GREM1: variants seen among roughly 807,000 people sequenced by gnomAD.
GREM1 encodes gremlin 1, DAN family BMP antagonist.
Under a neutral mutation model 13.1 loss-of-function variants are expected in GREM1, and 6 were observed. The observed-to-expected ratio is 0.46, with a 90% CI of 0.25 to 0.91. The LOEUF (loss-of-function observed/expected upper bound fraction) is 0.91, where lower values mean the gene tolerates loss of function less well. Ranked by LOEUF, GREM1 falls within the 40% of genes least tolerant of loss-of-function variation. The pLI is 0.18. For synonymous variants in GREM1, 98 were observed against 93.7 expected (o/e 1.05, Z -0.27); for missense variants, 185 against 233.9 (o/e 0.79, Z 1.36).
In GREM1 at chr15:32,740,744, G is replaced by T. The variant is rs923888578; in HGVS notation, c.*9499G>T. On this transcript the variant is annotated 3_prime_UTR_variant, in exon 2 of 2. Transcript: ENST00000651154. ...ACATTCTGATCCAAGAAGCCCAAAGGTCATAAAAAAGTGATCCCAAAGCCT... is the reference window on the plus strand; with the variant it reads ...ACATTCTGATCCAAGAAGCCCAAAGTTCATAAAAAAGTGATCCCAAAGCCT... 1 of 152,116 alleles carries T rather than the reference G, an allele frequency of 6.6e-6. No homozygotes were observed. 9.4% of individuals were successfully genotyped at this position (152,116 alleles called of 1,614,324 possible).
rs2055768876 is a variant in GREM1, at chr15:32,742,300, T to C, written c.*11055T>C. 1 of 152,204 alleles carries C rather than the reference T, an allele frequency of 6.6e-6. No homozygotes were observed. Among genetic ancestry groups the C allele is most frequent in the Non-Finnish European group, 1.5e-5 (1 of 68,010 alleles). 9.4% of individuals were successfully genotyped at this position (152,204 alleles called of 1,614,324 possible). On this transcript the variant is annotated 3_prime_UTR_variant, in exon 2 of 2. Coordinates refer to ENST00000651154, the MANE Select transcript of GREM1 (RefSeq NM_013372.7). ...TGAATTCACTAGTGAAATTATTTGG[T>C]CCTGGGATTTTCTTTACTGGGAGTT...
Position 32,741,129 on chromosome 15 carries a change from C to G in GREM1, c.*9884C>G, listed in dbSNP as rs1394894948. The G allele has an allele frequency of 2.6e-5, 4 of 152,094 alleles. No homozygotes were observed. Among genetic ancestry groups the G allele is most frequent in the African/African-American group, 9.7e-5 (4 of 41,424 alleles). The allele number at this position is 152,094 out of a possible 1,614,324, so 9.4% of individuals were successfully genotyped here. A position where few individuals can be genotyped will look rare whatever the true frequency, so the allele number is the denominator to read the frequency against. On this transcript the variant is annotated 3_prime_UTR_variant, in exon 2 of 2. Transcript: ENST00000651154. The stretch of plus-strand genomic sequence containing the variant: ...TTCCACATTTAATGTTTTTTGTTCA[C>G]TGTGGTGTAGTAATAAATGTCTATA...
At position 32,744,773 on chromosome 15, in the gene GREM1, A is replaced by C. The variant is rs2055792062; in HGVS notation, c.*13528A>C. ...GGTTCTGTAGAGGCAGGACCTTAGC[A>C]TATAGCAGAGATAACTTATCTTCCA... On this transcript the variant is annotated 3_prime_UTR_variant, in exon 2 of 2. Transcript: ENST00000651154. 6.6e-6 allele frequency: 1 copy of C among 151,950 alleles called. No homozygotes were observed. Among genetic ancestry groups the C allele is most frequent in the Admixed American group, 6.6e-5 (1 of 15,258 alleles). 9.4% of individuals were successfully genotyped at this position (151,950 alleles called of 1,614,324 possible).
chr15:32,722,955 A>G (rs1028482166), intron 1 of GREM1, among the ~76,000 whole-genome samples: 1 of 152,214 alleles, frequency 6.6e-6, no homozygotes, highest in Non-Finnish European at 1.5e-5. Context: ...CGGAGATGTC[A>G]GGTATCTTGA....
chr15:32,721,211 C>T (rs1421055015), intron 1 of GREM1, among the ~76,000 whole-genome samples: 1 of 152,108 alleles, frequency 6.6e-6, no homozygotes, highest in Admixed American at 6.6e-5. Context: ...CACTTATGAG[C>T]TGTGTGACCT....
chr15:32,732,292 G>C lies in GREM1; in HGVS notation c.*1047G>C. On this transcript the variant is annotated 3_prime_UTR_variant, in exon 2 of 2. Transcript: ENST00000651154. ...TTCCTAATACCTTTCCTTTATCGTG[G>C]TTATAGTCAGCTCATTTCCATTCCA... 8.4e-6 allele frequency: 2 copies of C among 237,850 alleles called. No individual in the cohort carries two copies. Among genetic ancestry groups the C allele is most frequent in the Non-Finnish European group, 1.8e-5 (2 of 111,704 alleles). The allele number at this position is 237,850 out of a possible 1,614,324, so 14.7% of individuals were successfully genotyped here. A position where few individuals can be genotyped will look rare whatever the true frequency, so the allele number is the denominator to read the frequency against.
In GREM1 at chr15:32,718,087, C is replaced by T. The variant is rs898995478; in HGVS notation, c.-76C>T. 15 of 1,223,544 alleles carry T rather than the reference C, an allele frequency of 1.2e-5. No homozygotes were observed. Among genetic ancestry groups the T allele is most frequent in the Non-Finnish European group, 1.5e-5 (15 of 969,074 alleles). 75.8% of individuals were successfully genotyped at this position (1,223,544 alleles called of 1,614,324 possible). On this transcript the variant is annotated 5_prime_UTR_variant, in exon 1 of 2. Transcript: ENST00000651154. ...GTCCCGCTGACCCCGCGCCGAGCCC[C>T]GGCGGCTCTGGCCGCGGCCGCACTC...
chr15:32,721,511 T>C (rs1451218006), intron 1 of GREM1, among the ~76,000 whole-genome samples: 1 of 152,126 alleles, frequency 6.6e-6, no homozygotes, highest in East Asian at 1.9e-4. Flanking sequence ...TCCTAAGCAC[T>C]TTCGGAGACT....
Position 32,734,641 on chromosome 15 carries a change from A to G in GREM1, c.*3396A>G. ...TCTATATAGCCTTTGCTAAAGAGCA[A>G]CTAATAAATTAAACCTATTCTTTCT... On this transcript the variant is annotated 3_prime_UTR_variant, in exon 2 of 2. Transcript: ENST00000651154. 1 of 243,670 alleles carries G rather than the reference A, an allele frequency of 4.1e-6. No individual in the cohort carries two copies. Among genetic ancestry groups the G allele is most frequent in the Non-Finnish European group, 8.6e-6 (1 of 116,266 alleles). 15.1% of individuals were successfully genotyped at this position (243,670 alleles called of 1,614,324 possible).
intron 1 of GREM1, among the ~76,000 whole-genome samples, chr15:32,719,957 C>T (rs1323615391): frequency 6.6e-6 from 1 of 152,016 alleles, no homozygotes; most frequent in Non-Finnish European, 1.5e-5. Flanking sequence ...ATTCTCACTG[C>T]CCCCCAAGCC....
rs111262341 is a variant in GREM1, at chr15:32,730,793, C to G, written c.103C>G (p.Pro35Ala). 6,933 of 1,613,870 alleles carry G rather than the reference C, an allele frequency of 4.3e-3. 25 individuals are homozygous for G. Among genetic ancestry groups the G allele is most frequent in the Non-Finnish European group, 5.1e-3 (6,020 of 1,179,974 alleles). ...GAAAGGGTCCCAAGGTGCCATCCCC[C>G]CGCCAGACAAGGCCCAGCACAATGA... ...KKKGSQGAIP[P>A]PDKAQHNDSE... The change falls in exon 2 of 2, where the codon CCG becomes GCG. Residue 35 changes from proline (P) to alanine (A), a missense_variant. By Grantham distance (27) the Pro-to-Ala change is conservative (BLOSUM62 -1). Transcript: ENST00000651154.
intron 1 of GREM1, among the ~76,000 whole-genome samples, chr15:32,725,600 G>A (rs2055488404): frequency 6.6e-6 from 1 of 152,170 alleles, no homozygotes; most frequent in Non-Finnish European, 1.5e-5. Flanking sequence ...TGTTCACTCT[G>A]ATGGTAGTTT....
At chr15:32,722,413 C>T (rs994404793) in intron 1 of GREM1, among the ~76,000 whole-genome samples, 2 of 152,178 alleles carry the variant, frequency 1.3e-5, no homozygotes, top group African/African-American at 2.4e-5. Context: ...AATTCCTACT[C>T]AAAACTCCCT....
rs1567117333 is a variant in GREM1 at position 32,737,946 on chromosome 15, G to GAAAAA, written c.*6705_*6706insAAAAA. The GAAAAA allele has an allele frequency of 7.1e-5, 5 of 70,622 alleles. No homozygotes were observed. The highest frequency in any genetic ancestry group is 1.4e-4 in the Non-Finnish European group (5 of 36,258). The allele number at this position is 70,622 out of a possible 1,614,324, so 4.4% of individuals were successfully genotyped here. A position where few individuals can be genotyped will look rare whatever the true frequency, so the allele number is the denominator to read the frequency against. On this transcript the variant is annotated 3_prime_UTR_variant, in exon 2 of 2. Coordinates refer to ENST00000651154, the MANE Select transcript of GREM1 (RefSeq NM_013372.7). ...TCTGTCTCAAAAAAAAAAAAAAAAA[G>GAAAAA]AAAAGAAAAACCCACAGCTAACATC... is the stretch of plus-strand genomic sequence containing the variant.
chr15:32,729,510 G>C (rs1410682278), intron 1 of GREM1, among the ~76,000 whole-genome samples: 2 of 152,056 alleles, frequency 1.3e-5, no homozygotes, highest in African/African-American at 4.8e-5. Context: ...TTGTAGAAGA[G>C]TTCCCCTTTC....
At position 32,744,672 on chromosome 15, in the gene GREM1, C is replaced by T. The variant is rs772723362; in HGVS notation, c.*13427C>T. 1 of 151,348 alleles carries T rather than the reference C, an allele frequency of 6.6e-6. No individual in the cohort carries two copies. 9.4% of individuals were successfully genotyped at this position (151,348 alleles called of 1,614,324 possible). ...ACTTAACTCAAGCAAAACAATGTTA[C>T]TCTCTTTGTACATTGTACAGATGCA... On this transcript the variant is annotated 3_prime_UTR_variant, in exon 2 of 2. Transcript: ENST00000651154.
intron 1 of GREM1, among the ~76,000 whole-genome samples, chr15:32,727,965 AC>A (rs1391249836): frequency 2.0e-5 from 3 of 152,354 alleles, no homozygotes; most frequent in African/African-American, 7.2e-5. Context: ...ACTACAGACC[AC>A]TGCTCAAGGT....
rs2055695610 is a variant in GREM1 at position 32,736,196 on chromosome 15, C to T, written c.*4951C>T. The T allele has an allele frequency of 6.6e-6, 1 of 152,144 alleles. No homozygotes were observed. Among genetic ancestry groups the T allele is most frequent in the Non-Finnish European group, 1.5e-5 (1 of 68,046 alleles). 9.4% of individuals were successfully genotyped at this position (152,144 alleles called of 1,614,324 possible). A position where few individuals can be genotyped will look rare whatever the true frequency, so the allele number is the denominator to read the frequency against. ...GCTCCACTTGCAAGGCTATATTTGA[C>T]CTGACTGGAAGCTTCCCAGGGTAAA... On this transcript the variant is annotated 3_prime_UTR_variant, in exon 2 of 2. Transcript: ENST00000651154.
Position 32,731,469 on chromosome 15 carries a change from C to G in GREM1, c.*224C>G, listed in dbSNP as rs33963919. The G allele has an allele frequency of 1.7e-6, 1 of 584,878 alleles. No homozygotes were observed. The highest frequency in any genetic ancestry group is 1.9e-5 in the African/African-American group (1 of 53,188). 36.2% of individuals were successfully genotyped at this position (584,878 alleles called of 1,614,324 possible). On this transcript the variant is annotated 3_prime_UTR_variant, in exon 2 of 2. Coordinates refer to ENST00000651154, the MANE Select transcript of GREM1 (RefSeq NM_013372.7). ...AACACAGTCTCTGCTAGAGAGCACTCCCTATTTTGTAAACATATCTGCTTT... is the reference window on the plus strand; with the variant it reads ...AACACAGTCTCTGCTAGAGAGCACTGCCTATTTTGTAAACATATCTGCTTT...
Sources: allele counts gnomAD v4.1 joint callset (sites outside exome capture counted in the v4.1 genomes callset), GRCh38; gene constraint gnomAD v4.1.1; transcripts MANE v1.5; gene names NCBI Gene and HGNC (gene_info 2026-07-23, HGNC 2026-07-21).